The following CCDC85C variants were observed in gnomAD, a reference collection of about 807,000 sequenced individuals.
The protein encoded by CCDC85C is coiled-coil domain containing 85C.
CCDC85C carries 18 observed loss-of-function variants against 38.3 expected under a neutral mutation model. The observed-to-expected ratio is 0.47, with a 90% CI of 0.33 to 0.70. The LOEUF is 0.70. Ranked by LOEUF, CCDC85C falls within the 30% of genes least tolerant of loss-of-function variation. The pLI is 0.03. For synonymous variants in CCDC85C, 264 were observed against 293.8 expected (o/e 0.90, Z 1.04); for missense variants, 566 against 621.2 (o/e 0.91, Z 0.94).
At chr14:99,559,864 C>A (rs746131650) in intron 1 of CCDC85C, among the ~76,000 whole-genome samples, 2 of 152,088 alleles carry the variant, frequency 1.3e-5, no homozygotes, top group Admixed American at 6.5e-5. Context: ...ACACCCCTGC[C>A]CGGGAGAGAA....
chr14:99,571,787 C>G (rs1457392811), intron 1 of CCDC85C, among the ~76,000 whole-genome samples: 1 of 152,200 alleles, frequency 6.6e-6, no homozygotes, highest in Non-Finnish European at 1.5e-5. Flanking sequence ...CAGGTAGGTG[C>G]CCAGTTCAAT....
intron 1 of CCDC85C, among the ~76,000 whole-genome samples, chr14:99,550,994 G>C (rs1361984585): frequency 6.6e-6 from 1 of 152,236 alleles, no homozygotes; most frequent in Non-Finnish European, 1.5e-5. Flanking sequence ...CCCAGTGCAG[G>C]CATGCACACT....
chr14:99,511,842 A>ACTT lies in CCDC85C; in HGVS notation c.*3401_*3403dup, dbSNP rs1311905648. ...GGGGCTTGGATTTGAAACCCTTTCC[A>ACTT]CTTCTGGCCTGTGATGAGACAGAGG... On this transcript the variant is annotated 3_prime_UTR_variant, in exon 6 of 6. Transcript: ENST00000380243. 6 of 152,510 alleles carry ACTT rather than the reference A, an allele frequency of 3.9e-5. No homozygotes were observed. The highest frequency in any genetic ancestry group is 7.3e-5 in the Non-Finnish European group (5 of 68,054). The allele number at this position is 152,510 out of a possible 1,614,324, so 9.4% of individuals were successfully genotyped here. A position where few individuals can be genotyped will look rare whatever the true frequency, so the allele number is the denominator to read the frequency against.
chr14:99,601,873 T>G (rs981014431), intron 1 of CCDC85C, among the ~76,000 whole-genome samples: 16 of 152,048 alleles, frequency 1.1e-4, no homozygotes, highest in Non-Finnish European at 2.4e-4. Context: ...AGGAAAAACA[T>G]GCTGCACTGC....
chr14:99,528,614 G>A (rs1015149986), intron 2 of CCDC85C, among the ~76,000 whole-genome samples: 1 of 152,194 alleles, frequency 6.6e-6, no homozygotes, highest in Non-Finnish European at 1.5e-5. Context: ...GCCCTGGGAT[G>A]GGGTGCCCCG....
intron 3 of CCDC85C, among the ~76,000 whole-genome samples, chr14:99,517,402 C>T (rs1437662950): frequency 6.6e-6 from 1 of 152,142 alleles, no homozygotes; most frequent in Non-Finnish European, 1.5e-5. Flanking sequence ...ATGAAATGGT[C>T]CCTGATAGCA....
intron 1 of CCDC85C, among the ~76,000 whole-genome samples, chr14:99,601,925 C>A (rs1052585872): frequency 6.6e-6 from 1 of 152,060 alleles, no homozygotes; most frequent in African/African-American, 2.4e-5. Flanking sequence ...CCCCAGCCCC[C>A]ACCCCAACAC....
At position 99,512,932 on chromosome 14, in the gene CCDC85C, A is replaced by G. The variant is rs962028818; in HGVS notation, c.*2314T>C. 3.9e-5 allele frequency: 6 copies of G among 152,192 alleles called. No homozygotes were observed. Among genetic ancestry groups the G allele is most frequent in the African/African-American group, 1.4e-4 (6 of 41,438 alleles). The allele number at this position is 152,192 out of a possible 1,614,324, so 9.4% of individuals were successfully genotyped here. A position where few individuals can be genotyped will look rare whatever the true frequency, so the allele number is the denominator to read the frequency against. ...CTGCTGCTGGCTTTTAAAATCAGCT[A>G]TTAGTTTGAGATGTGACAGTCGCCG... On this transcript the variant is annotated 3_prime_UTR_variant, in exon 6 of 6. Transcript: ENST00000380243.
rs569988076 is a variant in CCDC85C, at chr14:99,508,105, C to G, written c.*7141G>C. The G allele has an allele frequency of 1.3e-5, 2 of 152,366 alleles. No individual in the cohort carries two copies. The highest frequency in any genetic ancestry group is 2.9e-5 in the Non-Finnish European group (2 of 68,062). The allele number at this position is 152,366 out of a possible 1,614,324, so 9.4% of individuals were successfully genotyped here. ...GTGGCTCACACTGGGGCTGACAGCACTGTGTGCCCGTAACAGATGTGCCAC... is the reference window on the plus strand; with the variant it reads ...GTGGCTCACACTGGGGCTGACAGCAGTGTGTGCCCGTAACAGATGTGCCAC... On this transcript the variant is annotated 3_prime_UTR_variant, in exon 6 of 6. Transcript: ENST00000380243.
intron 1 of CCDC85C, among the ~76,000 whole-genome samples, chr14:99,565,584 T>C (rs1477508984): frequency 1.3e-5 from 2 of 152,120 alleles, no homozygotes; most frequent in Non-Finnish European, 2.9e-5. Flanking sequence ...AGTGTGTCTC[T>C]GTGATTCATG....
At chr14:99,559,885 A>C (rs1216442637) in intron 1 of CCDC85C, among the ~76,000 whole-genome samples, 1 of 152,028 alleles carries the variant, frequency 6.6e-6, no homozygotes, top group African/African-American at 2.4e-5. Context: ...CACACAGATC[A>C]ATCTCAGGGG....
chr14:99,502,118 T>C lies in CCDC85C; in HGVS notation c.*13128A>G. The stretch of plus-strand genomic sequence containing the variant: ...TTAAATTTAGGGGAGAATAAGCAAA[T>C]TAATGGTTAGTTATGGCATCTCCAT... On this transcript the variant is annotated 3_prime_UTR_variant, in exon 6 of 6. Transcript: ENST00000380243. The C allele has an allele frequency of 7.3e-7, 1 of 1,362,372 alleles. No homozygotes were observed. Among genetic ancestry groups the C allele is most frequent in the South Asian group, 1.7e-5 (1 of 60,050 alleles). The allele number at this position is 1,362,372 out of a possible 1,614,324, so 84.4% of individuals were successfully genotyped here.
chr14:99,502,891 C>T lies in CCDC85C; in HGVS notation c.*12355G>A. The stretch of plus-strand genomic sequence containing the variant: ...AACCATCCCAGCCCCAGCAGAAGGA[C>T]CCCCAGCAACCAGCCCAGCAGCAGC... On this transcript the variant is annotated 3_prime_UTR_variant, in exon 6 of 6. Transcript: ENST00000380243. 1.2e-6 allele frequency: 2 copies of T among 1,613,460 alleles called. No homozygotes were observed. The highest frequency in any genetic ancestry group is 1.1e-5 in the South Asian group (1 of 91,030).
At chr14:99,573,594 C>T (rs979232298) in intron 1 of CCDC85C, among the ~76,000 whole-genome samples, 2 of 152,190 alleles carry the variant, frequency 1.3e-5, no homozygotes, top group African/African-American at 2.4e-5. Context: ...CCGGCCTGGA[C>T]GTTCTGGCTC....
chr14:99,551,408 T>C (rs1357175082), intron 1 of CCDC85C, among the ~76,000 whole-genome samples: 2 of 150,926 alleles, frequency 1.3e-5, no homozygotes, highest in African/African-American at 4.9e-5. Flanking sequence ...CAAGTGAGTA[T>C]GCAGATGAGC....
In CCDC85C at chr14:99,535,292, C is replaced by CA. The variant is rs1204952869; in HGVS notation, c.867+722dup. 1.3e-5 allele frequency among the ~76,000 whole-genome samples: 2 copies of CA among 152,186 alleles called. No individual in the cohort carries two copies. Among genetic ancestry groups the CA allele is most frequent in the Non-Finnish European group, 2.9e-5 (2 of 68,030 alleles). On this transcript the variant is annotated intron_variant, in intron 2 of 5. Coordinates refer to ENST00000380243, the MANE Select transcript of CCDC85C (RefSeq NM_001144995.2). This position sits in a 1 kb window ranked among gnomAD's most constrained non-coding sequence, Gnocchi z 5.5. ...AGACTGGGATGAAGCCAGGGATGCGCACGAGGGCTCGGAGGCTTGGGGGAG... is the reference window on the plus strand; with the variant it reads ...AGACTGGGATGAAGCCAGGGATGCGCAACGAGGGCTCGGAGGCTTGGGGGAG...
At chr14:99,526,522 A>C (rs1021733350) in intron 2 of CCDC85C, among the ~76,000 whole-genome samples, 5 of 152,156 alleles carry the variant, frequency 3.3e-5, no homozygotes, top group African/African-American at 1.2e-4. Flanking sequence ...CGGAGGCGAG[A>C]GGTGAGACCC....
At chr14:99,541,968 GC>G (rs912005433) in intron 1 of CCDC85C, among the ~76,000 whole-genome samples, 2 of 152,196 alleles carry the variant, frequency 1.3e-5, no homozygotes, top group African/African-American at 2.4e-5. Flanking sequence ...AGGCCCTACG[GC>G]ATGGCTTCCC....
chr14:99,603,436 C>A lies in CCDC85C; in HGVS notation c.524G>T (p.Gly175Val). Residue 175 changes from glycine (G) to valine (V), a missense_variant, in exon 1 of 6, where the codon GGC becomes GTC. This residue lies in a region of CCDC85C where 269 missense variants were observed against 308.2 expected (regional missense o/e 0.87). Coordinates refer to ENST00000380243, the MANE Select transcript of CCDC85C (RefSeq NM_001144995.2). This position sits in a 1 kb window ranked among gnomAD's most constrained non-coding sequence, Gnocchi z 7.5. The stretch of plus-strand genomic sequence containing the variant: ...CTGGCTGTCGATGGAGCTGCGGGAG[C>A]CGGCGCCGCCCCCGCCGCCGCCGCC... ...SGGGGGGGGA[G>V]SRSSIDSQAS... The A allele has an allele frequency of 1.6e-6, 2 of 1,267,346 alleles. No homozygotes were observed. The highest frequency in any genetic ancestry group is 4.0e-5 in the Admixed American group (1 of 24,964). 78.5% of individuals were successfully genotyped at this position (1,267,346 alleles called of 1,614,324 possible).
Sources: gnomAD v4.1 joint callset for allele counts (sites outside exome capture counted in the v4.1 genomes callset) on GRCh38, gnomAD v4.1.1 for gene constraint, gnomAD v4.1.1 regional missense constraint, Gnocchi (gnomAD v3.1) non-coding constraint, MANE v1.5 for transcripts, NCBI Gene and HGNC (gene_info 2026-07-23, HGNC 2026-07-21) for gene names.